Variants in MMP26 observed in about 807,000 individuals in gnomAD.
MMP26 encodes matrix metallopeptidase 26.
In MMP26, 33 loss-of-function variants were observed where a neutral mutation model predicts 31.0. The observed-to-expected ratio is 1.06, with a 90% CI of 0.81 to 1.42. The LOEUF is 1.42. MMP26 is among the 40% of genes most tolerant of loss of function. MMP26 has a pLI of 0.00. For missense variants in MMP26, 347 were observed against 316.1 expected (o/e 1.10, Z -0.74); for synonymous variants, 122 against 114.9 (o/e 1.06, Z -0.40).
intron 2 of MMP26, among the ~76,000 whole-genome samples, chr11:4,979,686 T>C (rs74054422): frequency 0.049 from 7,498 of 152,146 alleles, 635 homozygotes; most frequent in African/African-American, 0.17. Flanking sequence ...TTTAATGCAC[T>C]TGTGTGGTCT....
At chr11:4,834,315 C>A (rs1849687110) in intron 2 of MMP26, among the ~76,000 whole-genome samples, 3 of 152,132 alleles carry the variant, frequency 2.0e-5, no homozygotes, top group African/African-American at 7.2e-5. Flanking sequence ...CAAGTAGACA[C>A]CCAAATAACT....
chr11:4,737,524 T>C lies in MMP26; in HGVS notation c.-216-29746T>C, dbSNP rs559695278. ...CTGGCGTGGTGGTGCATGCCTGTAATCCCAGCTACTTGGGAGGCTGAGGCA... is the reference window on the plus strand; with the variant it reads ...CTGGCGTGGTGGTGCATGCCTGTAACCCCAGCTACTTGGGAGGCTGAGGCA... On this transcript the variant is annotated intron_variant, in intron 1 of 7. Coordinates refer to ENST00000380390, the MANE Select transcript of MMP26 (RefSeq NM_021801.5). Among the ~76,000 whole-genome samples the C allele has an allele frequency of 2.0e-5, 3 of 152,304 alleles. No individual in the cohort carries two copies. The East Asian group carries it at 5.8e-4, about 29-fold the overall frequency.
chr11:4,857,736 T>C (rs1012568749), intron 2 of MMP26, among the ~76,000 whole-genome samples: 1 of 152,178 alleles, frequency 6.6e-6, no homozygotes, highest in African/African-American at 2.4e-5. Context: ...GAGGCCAGCA[T>C]CATCCTGATA....
rs757983339 is a variant in MMP26 at position 4,991,444 on chromosome 11, T to C, written c.543T>C (p.Asn181=). ...LGHAFLPNSG[N]PGVVHFDKNE... ...ATGCCTTTTTACCAAATTCTGGAAA[T>C]CCTGGAGTTGTCCATTTTGACAAGA... is the stretch of plus-strand genomic sequence containing the variant. The change falls in exon 6 of 8, where the codon AAT becomes AAC. Residue 181 remains asparagine, a synonymous_variant. Transcript: ENST00000380390. 3.2e-5 allele frequency: 51 copies of C among 1,613,926 alleles called. No individual in the cohort carries two copies. The Middle Eastern group carries it at 4.9e-4, about 16-fold the overall frequency.
chr11:4,707,741 A>T (rs185453263), intron 1 of MMP26, among the ~76,000 whole-genome samples: 1 of 152,226 alleles, frequency 6.6e-6, no homozygotes, highest in Non-Finnish European at 1.5e-5. Context: ...AATCACACAT[A>T]TGTGGAAATA....
At position 4,848,922 on chromosome 11, in the gene MMP26, C is replaced by T. The variant is rs767944836; in HGVS notation, c.-145+81581C>T. ...GGCTGAGGCAGGGACAGTGTGAGCA[C>T]CAGCAAGGGCGATGCCCAGCAGTGT... On this transcript the variant is annotated intron_variant, in intron 2 of 7. Coordinates refer to ENST00000380390, the MANE Select transcript of MMP26 (RefSeq NM_021801.5). The T allele has an allele frequency of 1.9e-6, 3 of 1,613,976 alleles. No individual in the cohort carries two copies. In the Admixed American group the frequency reaches 5.0e-5, roughly 27 times the overall value.
chr11:4,874,354 A>C (rs940837632), intron 2 of MMP26, among the ~76,000 whole-genome samples: 4 of 152,052 alleles, frequency 2.6e-5, no homozygotes, highest in African/African-American at 9.7e-5. Flanking sequence ...TTCATTCCCA[A>C]GTATCCAGAG....
At chr11:4,946,251 C>T (rs1846300787) in intron 2 of MMP26, 2 of 1,613,796 alleles carry the variant, frequency 1.2e-6, no homozygotes, top group Non-Finnish European at 1.7e-6. Context: ...AGTGGAGGTA[C>T]AAGTAGGAGA....
At chr11:4,879,759 G>C (rs1850432102) in intron 2 of MMP26, among the ~76,000 whole-genome samples, 1 of 152,146 alleles carries the variant, frequency 6.6e-6, no homozygotes, top group African/African-American at 2.4e-5. Context: ...ACTTGAATCG[G>C]AAGGGTTCTT....
At chr11:4,890,121 T>G (rs1054184432) in intron 2 of MMP26, 2 of 152,182 alleles carry the variant, frequency 1.3e-5, no homozygotes, top group African/African-American at 4.8e-5. Flanking sequence ...TTGTTTCTCT[T>G]TTAATGAGAA....
At chr11:4,859,058 T>G (rs1372435145) in intron 2 of MMP26, among the ~76,000 whole-genome samples, 2 of 152,162 alleles carry the variant, frequency 1.3e-5, no homozygotes, top group Admixed American at 6.5e-5. Flanking sequence ...TTACACCTTA[T>G]GCAAAAATTA....
intron 5 of MMP26, 41 bp from the exon 6 acceptor site, chr11:4,991,330 A>G: frequency 1.3e-6 from 2 of 1,590,194 alleles, no homozygotes; most frequent in Non-Finnish European, 1.7e-6. Flanking sequence ...CTTTGTTTCT[A>G]CCTCCACCCT....
chr11:4,732,314 T>G (rs1458297501), intron 1 of MMP26, among the ~76,000 whole-genome samples: 1 of 152,208 alleles, frequency 6.6e-6, no homozygotes, highest in Non-Finnish European at 1.5e-5. Context: ...AAACTGTGAA[T>G]GTAATCTTTT....
intron 2 of MMP26, chr11:4,803,563 C>G (rs370070710): frequency 6.2e-7 from 1 of 1,613,878 alleles, no homozygotes; most frequent in Non-Finnish European, 8.5e-7. Context: ...GTGTACAACT[C>G]GGGGCACATC....
intron 2 of MMP26, among the ~76,000 whole-genome samples, chr11:4,885,414 G>C (rs1850534074): frequency 6.6e-6 from 1 of 152,048 alleles, no homozygotes; most frequent in Admixed American, 6.6e-5. Flanking sequence ...TATTTTTGCT[G>C]TGCCTTGTCT....
At position 4,988,220 on chromosome 11, in the gene MMP26, C is replaced by T. The variant is rs574294523; in HGVS notation, c.9C>T (p.Leu3=). Residue 3 remains leucine (L), a synonymous_variant, in exon 3 of 8, where the codon CTC becomes CTT. Transcript: ENST00000380390. MQ[L]VILRVTIFLP... ...ACAAATGAGGGTTTGGCATGCAGCT[C>T]GTCATCTTAAGAGTTACTATCTTCT... The T allele has an allele frequency of 3.7e-6, 6 of 1,614,002 alleles. No homozygotes were observed. The highest frequency in any genetic ancestry group is 3.3e-5 in the South Asian group (3 of 91,078).
chr11:4,857,702 G>A (rs191299971), intron 2 of MMP26, among the ~76,000 whole-genome samples: 2 of 152,168 alleles, frequency 1.3e-5, no homozygotes, highest in African/African-American at 4.8e-5. Context: ...AGAAAAAGAG[G>A]GAATCCTCCC....
At chr11:4,897,405 T>C (rs752731796) in intron 2 of MMP26, among the ~76,000 whole-genome samples, 4 of 148,572 alleles carry the variant, frequency 2.7e-5, no homozygotes, top group Non-Finnish European at 6.0e-5. Context: ...CCCAAAGTGT[T>C]GGGATTACAG....
At chr11:4,866,216 A>G (rs556150432) in intron 2 of MMP26, among the ~76,000 whole-genome samples, 13 of 152,312 alleles carry the variant, frequency 8.5e-5, no homozygotes, top group African/African-American at 2.9e-4. Context: ...AATGTGAAAT[A>G]TAAGTGATCT....
Sources: allele counts gnomAD v4.1 joint callset (sites outside exome capture counted in the v4.1 genomes callset), GRCh38; gene constraint gnomAD v4.1.1; transcripts MANE v1.5; gene names NCBI Gene and HGNC (gene_info 2026-07-23, HGNC 2026-07-21).